ZDHHC21: variants seen among roughly 807,000 people sequenced by gnomAD.
The protein encoded by ZDHHC21 is palmitoyltransferase ZDHHC21.
In ZDHHC21, 15 loss-of-function variants were observed where a neutral mutation model predicts 34.6. The ratio of observed to expected loss-of-function variants is 0.43; its 90% CI spans 0.29 to 0.67. ZDHHC21 has a LOEUF of 0.67. ZDHHC21 is among the 30% of genes least tolerant of loss of function. The pLI, the probability that ZDHHC21 is intolerant of heterozygous loss-of-function variation, is 0.14. For missense variants in ZDHHC21, 344 were observed against 327.7 expected, an observed-to-expected ratio of 1.05 and a Z score of -0.38; for synonymous variants, 142 against 101.8, an observed-to-expected ratio of 1.40 and a Z score of -2.38.
the ZDHHC21 span, among the ~76,000 whole-genome samples, chr9:14,599,880 T>C: frequency 6.6e-5 from 10 of 152,064 alleles, no homozygotes; most frequent in Non-Finnish European, 1.2e-4. Flanking sequence ...TAATCCATCA[T>C]ATAAACAGAA....
At chr9:14,647,968 T>C (rs556803681) in intron 7 of ZDHHC21, among the ~76,000 whole-genome samples, 16 of 152,116 alleles carry the variant, frequency 1.1e-4, no homozygotes, top group Non-Finnish European at 1.8e-4. Context: ...TTAATTAACA[T>C]CTGTCCCTGG....
intron 4 of ZDHHC21, 85 bp from the exon 5 acceptor site, chr9:14,673,013 A>G (rs1035537919): frequency 2.0e-5 from 17 of 859,374 alleles, no homozygotes; most frequent in Non-Finnish European, 2.2e-5. Context: ...TAAAATGTAT[A>G]TTTTAACAAA....
At chr9:14,639,546 T>C (rs1224223545) in intron 8 of ZDHHC21, among the ~76,000 whole-genome samples, 1 of 152,068 alleles carries the variant, frequency 6.6e-6, no homozygotes, top group Non-Finnish European at 1.5e-5. Context: ...CTCAAGGTGA[T>C]GGAGACCCCA....
intron 5 of ZDHHC21, among the ~76,000 whole-genome samples, chr9:14,672,510 C>T (rs1835649555): frequency 6.6e-6 from 1 of 151,940 alleles, no homozygotes. Context: ...CTGGATCGCA[C>T]ACCAACAACC....
At chr9:14,633,587 C>T (rs1228949456) in intron 8 of ZDHHC21, among the ~76,000 whole-genome samples, 1 of 152,172 alleles carries the variant, frequency 6.6e-6, no homozygotes, top group Non-Finnish European at 1.5e-5. Flanking sequence ...GTGAGCCCAA[C>T]AGCCCCTGCA....
chr9:14,609,178 A>G (rs1181559195), downstream of ZDHHC21, among the ~76,000 whole-genome samples: 2 of 10,486 alleles, frequency 1.9e-4, no homozygotes, highest in African/African-American at 4.4e-3. Context: ...TGAAACAGCA[A>G]AAAACCATTA....
Position 14,693,396 on chromosome 9 carries a change from T to TCCGCATGC in ZDHHC21, c.-400_-393dup. On this transcript the variant is annotated 5_prime_UTR_variant, in exon 1 of 10. The change creates a new upstream start codon in the 5' untranslated region. Transcript: ENST00000380916. ...AGGGCCTGGACCGGCCGAGTGGGTGTCCGCATGCCCGCGCGCCCGCGTGGG... is the reference window on the plus strand; with the variant it reads ...AGGGCCTGGACCGGCCGAGTGGGTGTCCGCATGCCCGCATGCCCGCGCGCCCGCGTGGG... 6.5e-6 allele frequency: 2 copies of TCCGCATGC among 305,974 alleles called. No individual in the cohort carries two copies. Among genetic ancestry groups the TCCGCATGC allele is most frequent in the South Asian group, 4.8e-5 (2 of 41,992 alleles). The allele number at this position is 305,974 out of a possible 1,614,324, so 19.0% of individuals were successfully genotyped here.
At chr9:14,651,532 T>C (rs1831242196) in intron 7 of ZDHHC21, among the ~76,000 whole-genome samples, 1 of 151,922 alleles carries the variant, frequency 6.6e-6, no homozygotes, top group Non-Finnish European at 1.5e-5. Flanking sequence ...CCATACTATT[T>C]ATCCCTTCAG....
chr9:14,667,240 G>C (rs1229878579), intron 5 of ZDHHC21, among the ~76,000 whole-genome samples: 1 of 148,108 alleles, frequency 6.8e-6, no homozygotes, highest in Non-Finnish European at 1.5e-5. Flanking sequence ...AAATAAACTA[G>C]AAAATCTAGA....
chr9:14,649,819 G>T (rs546558691), intron 7 of ZDHHC21, among the ~76,000 whole-genome samples: 2 of 152,130 alleles, frequency 1.3e-5, no homozygotes, highest in Admixed American at 6.6e-5. Context: ...TATTTTAGCA[G>T]TAAAAATTCT....
intron 5 of ZDHHC21, among the ~76,000 whole-genome samples, chr9:14,663,828 A>C (rs573087744): frequency 6.8e-4 from 103 of 152,344 alleles, no homozygotes; most frequent in African/African-American, 2.4e-3. Context: ...ATGCAAGAGC[A>C]ACAGTACTAA....
At chr9:14,606,481 G>A (rs891327437), downstream of ZDHHC21, among the ~76,000 whole-genome samples, 17 of 152,288 alleles carry the variant, frequency 1.1e-4, no homozygotes, top group Middle Eastern at 3.4e-3. Context: ...GCGAGTAAAC[G>A]AGGCTTCTGT....
the ZDHHC21 span, chr9:14,593,785 C>G: frequency 6.5e-6 from 1 of 152,726 alleles, no homozygotes; most frequent in Admixed American, 6.5e-5. Flanking sequence ...CCTACAGATT[C>G]AAGAGAGATG....
At chr9:14,687,496 C>A (rs1296601733) in intron 2 of ZDHHC21, among the ~76,000 whole-genome samples, 3 of 150,668 alleles carry the variant, frequency 2.0e-5, no homozygotes, top group African/African-American at 7.5e-5. Flanking sequence ...CATGTTAAAA[C>A]CCCGTCTCTA....
chr9:14,590,188 A>C, the ZDHHC21 span: 9 of 152,222 alleles, frequency 5.9e-5, no homozygotes, highest in Admixed American at 2.0e-4. Context: ...TTAGCAGCAG[A>C]TTAGACACTG....
At chr9:14,644,962 C>A (rs1830043895) in intron 7 of ZDHHC21, among the ~76,000 whole-genome samples, 2 of 151,974 alleles carry the variant, frequency 1.3e-5, no homozygotes, top group South Asian at 4.1e-4. Flanking sequence ...GTAGGAAAGT[C>A]GGTTCTACTG....
chr9:14,641,381 C>A (rs1208784076), intron 7 of ZDHHC21, among the ~76,000 whole-genome samples: 1 of 152,086 alleles, frequency 6.6e-6, no homozygotes, highest in African/African-American at 2.4e-5. Flanking sequence ...AAATGATGGG[C>A]CTGTGGATGA....
intron 4 of ZDHHC21, among the ~76,000 whole-genome samples, 175 bp from the exon 5 acceptor site, chr9:14,673,103 T>C (rs1835772868): frequency 6.6e-6 from 1 of 152,074 alleles, no homozygotes; most frequent in Admixed American, 6.6e-5. Context: ...TCAGGAGGAC[T>C]ATCTTAAATA....
At chr9:14,624,108 AAAT>A (rs750528197) in intron 8 of ZDHHC21, among the ~76,000 whole-genome samples, 31 of 152,172 alleles carry the variant, frequency 2.0e-4, no homozygotes, top group Non-Finnish European at 1.0e-4. Context: ...TTAAAAAAAT[AAAT>A]AATAATATGA....
Sources: allele counts gnomAD v4.1 joint callset (sites outside exome capture counted in the v4.1 genomes callset), GRCh38; gene constraint gnomAD v4.1.1; transcripts MANE v1.5; gene names NCBI Gene and HGNC (gene_info 2026-07-23, HGNC 2026-07-21).